Variants in BCL6B observed in about 807,000 individuals in gnomAD.
BCL6B encodes the protein BCL6B transcription repressor, also known as B-cell CLL/lymphoma 6 member B protein.
In BCL6B, 28 loss-of-function variants were observed where a neutral mutation model predicts 44.6. That is an observed-to-expected ratio of 0.63 (90% CI 0.47 to 0.86). The LOEUF (loss-of-function observed/expected upper bound fraction) is 0.86, where lower values mean the gene tolerates loss of function less well. Ranked by LOEUF, BCL6B falls within the 40% of genes least tolerant of loss-of-function variation. The pLI, the probability that BCL6B is intolerant of heterozygous loss-of-function variation, is 0.00. For synonymous variants in BCL6B, 268 were observed against 263.6 expected, an observed-to-expected ratio of 1.02 and a Z score of -0.16; for missense variants, 626 against 652.3, an observed-to-expected ratio of 0.96 and a Z score of 0.44.
Position 7,023,794 on chromosome 17 carries a change from G to A in BCL6B, c.123G>A (p.Thr41=), listed in dbSNP as rs1426727399. 1.2e-6 allele frequency: 2 copies of A among 1,613,176 alleles called. No individual in the cohort carries two copies. The highest frequency in any genetic ancestry group is 3.3e-5 in the Admixed American group (2 of 60,006). The change falls in exon 2 of 9, where the codon ACG becomes ACA. Residue 41 remains threonine, a synonymous_variant. Transcript: ENST00000293805. ...TGCGCGGGATCCTCACTGACGTCAC[G>A]CTGCTGGTTGGCGGGCAACCCCTCA... ...LRLRGILTDV[T]LLVGGQPLRA...
chr17:7,027,573 C>T lies in BCL6B; in HGVS notation c.1394C>T (p.Ala465Val), dbSNP rs764024929. 10 of 1,613,722 alleles carry T rather than the reference C, an allele frequency of 6.2e-6. No homozygotes were observed. In the East Asian group the frequency reaches 2.2e-4, roughly 36 times the overall value. Residue 465 changes from alanine to valine, a missense_variant, in exon 9 of 9, where the codon GCT becomes GTT. By Grantham distance (64) the Ala-to-Val change is moderately conservative. Transcript: ENST00000293805. Reference protein sequence around the residue: ...LRLHLRQKHGAATNTKVHYHI... With the variant: ...LRLHLRQKHGVATNTKVHYHI... Reference sequence around the variant, plus strand: ...CTGCATCTGCGCCAGAAACACGGAGCTGCTACCAACACCAAAGTGCACTAC... The same window carrying T: ...CTGCATCTGCGCCAGAAACACGGAGTTGCTACCAACACCAAAGTGCACTAC...
In BCL6B at chr17:7,023,992, C is replaced by T. The variant is rs1417607208; in HGVS notation, c.180-91C>T. The stretch of plus-strand genomic sequence containing the variant: ...TGGGGGCGGGGTGATAGTGAGGAGG[C>T]GGGACTTTTTCAGGGGGCGGGGCTT... On this transcript the variant is annotated intron_variant, in intron 2 of 8. Coordinates refer to ENST00000293805, the MANE Select transcript of BCL6B (RefSeq NM_181844.4). The T allele has an allele frequency of 1.2e-5, 18 of 1,527,894 alleles. 1 individual carries two copies. The highest frequency in any genetic ancestry group is 2.3e-5 in the East Asian group (1 of 44,262). The allele number at this position is 1,527,894 out of a possible 1,614,324, so 94.6% of individuals were successfully genotyped here. A position where few individuals can be genotyped will look rare whatever the true frequency, so the allele number is the denominator to read the frequency against.
rs1910386866 is a variant in BCL6B at position 7,029,173 on chromosome 17, G to C, written c.*1554G>C. ...CCTGTTCTAGTTGACCAAGTTTCAA[G>C]TAGGATTAAGAGGTTGGTTGAGGGG... On this transcript the variant is annotated 3_prime_UTR_variant, in exon 9 of 9. Transcript: ENST00000293805. 2.0e-6 allele frequency: 2 copies of C among 985,544 alleles called. No homozygotes were observed. Among genetic ancestry groups the C allele is most frequent in the Non-Finnish European group, 2.4e-6 (2 of 830,096 alleles). 61.0% of individuals were successfully genotyped at this position (985,544 alleles called of 1,614,324 possible). A position where few individuals can be genotyped will look rare whatever the true frequency, so the allele number is the denominator to read the frequency against.
intron 8 of BCL6B, 73 bp from the exon 9 acceptor site, chr17:7,027,430 G>C (rs1432159903): frequency 6.4e-7 from 1 of 1,552,178 alleles, no homozygotes; most frequent in African/African-American, 1.4e-5. Context: ...GGGAGAGCTG[G>C]ACGGCCGCCC....
chr17:7,027,172 T>C, intron 8 of BCL6B, 85 bp downstream of exon 8: 1 of 1,537,704 alleles, frequency 6.5e-7, no homozygotes, highest in Non-Finnish European at 8.8e-7. Flanking sequence ...CGGGCCTGGC[T>C]GTCCCTAGAT....
In BCL6B at chr17:7,029,382, T is replaced by G; in HGVS notation, c.*1763T>G. 1 of 995,736 alleles carries G rather than the reference T, an allele frequency of 1.0e-6. No homozygotes were observed. Among genetic ancestry groups the G allele is most frequent in the Non-Finnish European group, 1.2e-6 (1 of 835,806 alleles). 61.7% of individuals were successfully genotyped at this position (995,736 alleles called of 1,614,324 possible). A position where few individuals can be genotyped will look rare whatever the true frequency, so the allele number is the denominator to read the frequency against. ...AAAGTAAGAAGCACTTTTGAATTTGTGGGGTAGAACTTCAACAATAAGTCA... is the reference window on the plus strand; with the variant it reads ...AAAGTAAGAAGCACTTTTGAATTTGGGGGGTAGAACTTCAACAATAAGTCA... On this transcript the variant is annotated 3_prime_UTR_variant, in exon 9 of 9. Coordinates refer to ENST00000293805, the MANE Select transcript of BCL6B (RefSeq NM_181844.4).
Position 7,029,302 on chromosome 17 carries a change from T to G in BCL6B, c.*1683T>G, listed in dbSNP as rs1004781020. 1 of 987,042 alleles carries G rather than the reference T, an allele frequency of 1.0e-6. No homozygotes were observed. Among genetic ancestry groups the G allele is most frequent in the Non-Finnish European group, 1.2e-6 (1 of 831,068 alleles). The allele number at this position is 987,042 out of a possible 1,614,324, so 61.1% of individuals were successfully genotyped here. A position where few individuals can be genotyped will look rare whatever the true frequency, so the allele number is the denominator to read the frequency against. On this transcript the variant is annotated 3_prime_UTR_variant, in exon 9 of 9. Transcript: ENST00000293805. ...TTAGAAGAAGCGCTGAAGCCTTGAT[T>G]GATAGTTCTGCCCCTTGTTGCCCTG...
intron 5 of BCL6B, among the ~76,000 whole-genome samples, chr17:7,025,540 G>C (rs879353311): frequency 6.6e-6 from 1 of 152,142 alleles, no homozygotes; most frequent in Non-Finnish European, 1.5e-5. Context: ...TGCAAGTGAG[G>C]AGGAGATTTT....
Position 7,025,324 on chromosome 17 carries a change from G to A in BCL6B, c.889+124G>A, listed in dbSNP as rs1159964460. Reference sequence around the variant, plus strand: ...TTTATTACAAATTAGAATCACCTAGGAAGCTTTTAAACTCCCACTGCCCAG... The same window carrying A: ...TTTATTACAAATTAGAATCACCTAGAAAGCTTTTAAACTCCCACTGCCCAG... On this transcript the variant is annotated intron_variant, in intron 5 of 8. Coordinates refer to ENST00000293805, the MANE Select transcript of BCL6B (RefSeq NM_181844.4). 2.2e-6 allele frequency: 3 copies of A among 1,391,720 alleles called. No individual in the cohort carries two copies. The Admixed American group carries it at 6.5e-5, about 30-fold the overall frequency. The allele number at this position is 1,391,720 out of a possible 1,614,324, so 86.2% of individuals were successfully genotyped here. A position where few individuals can be genotyped will look rare whatever the true frequency, so the allele number is the denominator to read the frequency against.
At position 7,026,987 on chromosome 17, in the gene BCL6B, G is replaced by C; in HGVS notation, c.1223G>C (p.Gly408Ala). ...HLRAHVLIHT[G>A]EKPYPCPTCG... ...CGGGCGCACGTGCTGATCCACACCG[G>C]GGAGAAGCCCTACCCTTGCCCTACC... Residue 408 changes from glycine (G) to alanine (A), a missense_variant, in exon 8 of 9, where the codon GGG becomes GCG. By Grantham distance (60) the Gly-to-Ala change is moderately conservative (BLOSUM62 0). Transcript: ENST00000293805. The C allele has an allele frequency of 1.2e-6, 2 of 1,613,452 alleles. No individual in the cohort carries two copies. The highest frequency in any genetic ancestry group is 8.5e-7 in the Non-Finnish European group (1 of 1,180,012).
chr17:7,023,984 T>C (rs2151662689), intron 2 of BCL6B, 99 bp from the exon 3 acceptor site: 1 of 1,523,338 alleles, frequency 6.6e-7, no homozygotes, highest in Admixed American at 1.8e-5. Context: ...GGGGTGATAG[T>C]GAGGAGGCGG....
intron 2 of BCL6B, 110 bp from the exon 3 acceptor site, chr17:7,023,973 C>G: frequency 6.6e-7 from 1 of 1,518,082 alleles, no homozygotes; most frequent in South Asian, 1.2e-5. Flanking sequence ...GAATTGGGGG[C>G]GGGGTGATAG....
rs981329677 is a variant in BCL6B at position 7,029,471 on chromosome 17, C to G, written c.*1852C>G. Reference sequence around the variant, plus strand: ...ACTCTTCTCCCTCTTCCCTCTTTCTCCCCATGGCCCCACTGCAGAATTAAA... The same window carrying G: ...ACTCTTCTCCCTCTTCCCTCTTTCTGCCCATGGCCCCACTGCAGAATTAAA... On this transcript the variant is annotated 3_prime_UTR_variant, in exon 9 of 9. Transcript: ENST00000293805. The G allele has an allele frequency of 6.8e-5, 71 of 1,046,868 alleles. No individual in the cohort carries two copies. Among genetic ancestry groups the G allele is most frequent in the Admixed American group, 2.0e-4 (4 of 19,702 alleles). 64.8% of individuals were successfully genotyped at this position (1,046,868 alleles called of 1,614,324 possible).
chr17:7,026,853 A>T lies in BCL6B; in HGVS notation c.1185+18A>T, dbSNP rs201901292. The T allele has an allele frequency of 3.1e-6, 5 of 1,613,148 alleles. No homozygotes were observed. The highest frequency in any genetic ancestry group is 4.2e-6 in the Non-Finnish European group (5 of 1,179,992). ...TTGTACAGGTACGGAGCCAGCCTCC[A>T]AGTGGCTTCCAAGGCAAACCTGCAA... On this transcript the variant is annotated intron_variant, in intron 7 of 8. Coordinates refer to ENST00000293805, the MANE Select transcript of BCL6B (RefSeq NM_181844.4).
Position 7,027,518 on chromosome 17 carries a change from CT to C in BCL6B, c.1340del (p.Leu447ArgfsTer35). On this transcript the variant is annotated frameshift_variant, in exon 9 of 9. Transcript: ENST00000293805. LOFTEE classifies it high-confidence loss of function. Reference protein sequence around the residue: ...EKPYHCDPCGLHFRHKSQLRL... With the variant: ...EKPYHCDPCGXHFRHKSQLRL... The stretch of plus-strand genomic sequence containing the variant: ...CCTCCCACAGTGCGACCCCTGTGGC[CT>C]GCATTTCCGGCACAAGAGTCAACTG... The C allele has an allele frequency of 6.2e-7, 1 of 1,613,870 alleles. No individual in the cohort carries two copies. Among genetic ancestry groups the C allele is most frequent in the African/African-American group, 1.3e-5 (1 of 75,026 alleles).
rs748869804 is a variant in BCL6B, at chr17:7,027,054, C to T, written c.1290C>T (p.His430=). 29 of 1,613,908 alleles carry T rather than the reference C, an allele frequency of 1.8e-5. No homozygotes were observed. Among genetic ancestry groups the T allele is most frequent in the Non-Finnish European group, 2.4e-5 (28 of 1,180,002 alleles). ...GCCACCTGCAGACCCTCAAGAGCCA[C>T]GTTCGCATCCACACCGGAGAGAAGC... ...RFRHLQTLKS[H]VRIHTGEKPY... The change falls in exon 8 of 9, where the codon CAC becomes CAT. Residue 430 remains histidine (H), a synonymous_variant. Coordinates refer to ENST00000293805, the MANE Select transcript of BCL6B (RefSeq NM_181844.4).
At position 7,027,636 on chromosome 17, in the gene BCL6B, G is replaced by A. The variant is rs116427414; in HGVS notation, c.*17G>A. On this transcript the variant is annotated 3_prime_UTR_variant, in exon 9 of 9. Coordinates refer to ENST00000293805, the MANE Select transcript of BCL6B (RefSeq NM_181844.4). ...GGGCCCTAGCTGAGCGCAGGCCCAG[G>A]CCCCACTTGCTTCCTGCGGGTGGGA... 1.4e-4 allele frequency: 220 copies of A among 1,612,372 alleles called. No homozygotes were observed. The African/African-American group carries it at 2.4e-3, about 18-fold the overall frequency.
In BCL6B at chr17:7,028,025, CAAGTGTGATTAA is replaced by C; in HGVS notation, c.*412_*423del. On this transcript the variant is annotated 3_prime_UTR_variant, in exon 9 of 9. Coordinates refer to ENST00000293805, the MANE Select transcript of BCL6B (RefSeq NM_181844.4). ...TTGCATTTCCCACTCCCCTCTTCCA[CAAGTGTGATTAA>C]AAGTGACCAGAAACACAGAAGGTGA... 3 of 1,013,704 alleles carry C rather than the reference CAAGTGTGATTAA, an allele frequency of 3.0e-6. No individual in the cohort carries two copies. The highest frequency in any genetic ancestry group is 3.5e-6 in the Non-Finnish European group (3 of 847,308). 62.8% of individuals were successfully genotyped at this position (1,013,704 alleles called of 1,614,324 possible).
In BCL6B at chr17:7,029,288, G is replaced by A. The variant is rs888176655; in HGVS notation, c.*1669G>A. The A allele has an allele frequency of 1.4e-5, 14 of 986,834 alleles. No homozygotes were observed. Among genetic ancestry groups the A allele is most frequent in the African/African-American group, 8.7e-5 (5 of 57,238 alleles). 61.1% of individuals were successfully genotyped at this position (986,834 alleles called of 1,614,324 possible). On this transcript the variant is annotated 3_prime_UTR_variant, in exon 9 of 9. Transcript: ENST00000293805. ...GAGTCTCTGAAATGTTAGAAGAAGC[G>A]CTGAAGCCTTGATTGATAGTTCTGC...
Sources: allele counts gnomAD v4.1 joint callset (sites outside exome capture counted in the v4.1 genomes callset), GRCh38; gene constraint gnomAD v4.1.1; transcripts MANE v1.5; gene names NCBI Gene and HGNC (gene_info 2026-07-23, HGNC 2026-07-21).